Variants in GPHN observed in about 807,000 individuals in gnomAD.
GPHN encodes gephyrin.
In GPHN, 17 loss-of-function variants were observed where a neutral mutation model predicts 95.5. That is an observed-to-expected ratio of 0.18 (90% CI 0.12 to 0.27). The LOEUF (loss-of-function observed/expected upper bound fraction) is 0.27, where lower values mean the gene tolerates loss of function less well. GPHN is among the 10% of genes least tolerant of loss of function. GPHN has a pLI of 1.00. For missense variants in GPHN, 660 were observed against 978.1 expected (o/e 0.67, Z 4.34); for synonymous variants, 320 against 322.5 (o/e 0.99, Z 0.08).
At chr14:66,744,848 G>A (rs1395245013) in intron 2 of GPHN, among the ~76,000 whole-genome samples, 2 of 143,000 alleles carry the variant, frequency 1.4e-5, no homozygotes, top group African/African-American at 5.5e-5. Context: ...ATTCAATATA[G>A]CAATGCAATT....
chr14:67,224,620 T>G, the GPHN span: 7 of 294,640 alleles, frequency 2.4e-5, no homozygotes, highest in East Asian at 8.3e-4. Context: ...CTCCTTAACT[T>G]TTAAATTTTT....
rs567403640 is a variant in GPHN, at chr14:66,672,586, C to T, written c.65-8521C>T. ...TTTTGCCTCATGTATTTTAATGTTC[C>T]GTTGTTAGGTGTATATATGCTAAGG... On this transcript the variant is annotated intron_variant, in intron 1 of 22. Coordinates refer to ENST00000478722, the MANE Select transcript of GPHN (RefSeq NM_020806.5). Among the ~76,000 whole-genome samples the T allele has an allele frequency of 1.5e-3, 226 of 152,134 alleles. 2 individuals carry two copies. Among genetic ancestry groups the T allele is most frequent in the Middle Eastern group, 6.8e-3 (2 of 294 alleles).
chr14:67,284,971 G>A, the GPHN span, among the ~76,000 whole-genome samples: 1 of 151,426 alleles, frequency 6.6e-6, no homozygotes, highest in Non-Finnish European at 1.5e-5. Flanking sequence ...GGCTGGTCTT[G>A]ACCTCCTGGC....
the GPHN span, among the ~76,000 whole-genome samples, chr14:67,351,289 C>T: frequency 9.9e-5 from 15 of 151,982 alleles, no homozygotes; most frequent in Admixed American, 2.0e-4. Context: ...CTATACAGTA[C>T]AAAATGATAA....
chr14:66,625,441 GT>G, intron 1 of GPHN, among the ~76,000 whole-genome samples: 1 of 151,742 alleles, frequency 6.6e-6, no homozygotes, highest in East Asian at 1.9e-4. Flanking sequence ...CTTTTTTCTT[GT>G]TTTGTTTTTC....
At chr14:67,525,354 C>T in the GPHN span, among the ~76,000 whole-genome samples, 4 of 152,158 alleles carry the variant, frequency 2.6e-5, no homozygotes, top group Admixed American at 2.0e-4. Flanking sequence ...AAATATAATT[C>T]TTCATCATAC....
intron 2 of GPHN, among the ~76,000 whole-genome samples, chr14:66,726,108 A>G (rs940619795): frequency 2.6e-5 from 4 of 152,236 alleles, no homozygotes; most frequent in Admixed American, 2.0e-4. Flanking sequence ...ATTAGAATGC[A>G]TAAATTAACA....
chr14:67,107,432 G>A (rs1407950960), intron 13 of GPHN, among the ~76,000 whole-genome samples: 1 of 152,180 alleles, frequency 6.6e-6, no homozygotes, highest in African/African-American at 2.4e-5. Flanking sequence ...CAAGGTTTAT[G>A]ACTGAGGCAC....
chr14:67,606,340 G>A, the GPHN span, among the ~76,000 whole-genome samples: 156 of 152,278 alleles, frequency 1.0e-3, no homozygotes, highest in African/African-American at 3.7e-3. Context: ...GAACACACCT[G>A]GCTTTTATGT....
At chr14:67,338,845 GATA>G in the GPHN span, 1 of 1,272,690 alleles carries the variant, frequency 7.9e-7, no homozygotes, top group Non-Finnish European at 1.1e-6. Flanking sequence ...TTGTAACAAG[GATA>G]ATAAACACAT....
intron 1 of GPHN, among the ~76,000 whole-genome samples, chr14:66,598,057 TATTA>T (rs1266420499): frequency 6.6e-6 from 1 of 152,172 alleles, no homozygotes; most frequent in African/African-American, 2.4e-5. Context: ...TGATCTTACT[TATTA>T]TAAGTGTAGT....
intron 8 of GPHN, among the ~76,000 whole-genome samples, chr14:66,942,376 C>T (rs1016941737): frequency 9.9e-5 from 15 of 152,126 alleles, no homozygotes; most frequent in African/African-American, 2.4e-4. Flanking sequence ...GAGTCCTGTA[C>T]GTTTTTCCTT....
chr14:67,729,862 C>A, the GPHN span: 2 of 455,286 alleles, frequency 4.4e-6, no homozygotes, highest in Non-Finnish European at 8.8e-6. Flanking sequence ...TGAATCTTAT[C>A]ATGAACTCAA....
Position 67,149,655 on chromosome 14 carries a change from A to G in GPHN, c.1836+6206A>G, listed in dbSNP as rs1183753717. 2.6e-5 allele frequency among the ~76,000 whole-genome samples: 4 copies of G among 152,338 alleles called. No homozygotes were observed. The East Asian group carries it at 5.8e-4, about 22-fold the overall frequency. ...CATTATTGTTCCTTATATAATTGCA[A>G]CTACCCATATTAATTATGATGTTTA... On this transcript the variant is annotated intron_variant, in intron 18 of 22. Coordinates refer to ENST00000478722, the MANE Select transcript of GPHN (RefSeq NM_020806.5).
intron 17 of GPHN, among the ~76,000 whole-genome samples, chr14:67,141,640 A>G (rs2080465294): frequency 6.6e-6 from 1 of 152,180 alleles, no homozygotes; most frequent in South Asian, 2.1e-4. Context: ...TCTAGCAAGC[A>G]GTGGTGCTAG....
At chr14:66,777,436 C>A (rs2059424946) in intron 3 of GPHN, among the ~76,000 whole-genome samples, 1 of 152,184 alleles carries the variant, frequency 6.6e-6, no homozygotes, top group Non-Finnish European at 1.5e-5. Flanking sequence ...CTATCCCAAT[C>A]AATAGAAAGA....
chr14:66,517,917 CAA>C (rs1391233725), intron 1 of GPHN, among the ~76,000 whole-genome samples: 1 of 151,014 alleles, frequency 6.6e-6, no homozygotes, highest in Admixed American at 6.6e-5. Context: ...AAAGCACAGG[CAA>C]AAAAAGCAAA....
At chr14:67,208,154 C>G in the GPHN span, 1 of 1,605,500 alleles carries the variant, frequency 6.2e-7, no homozygotes. Flanking sequence ...CACCTATTAC[C>G]TGATGCTCTT....
At chr14:67,590,612 G>C in the GPHN span, among the ~76,000 whole-genome samples, 1 of 152,168 alleles carries the variant, frequency 6.6e-6, no homozygotes, top group Non-Finnish European at 1.5e-5. Flanking sequence ...GCCCACCTCG[G>C]CTTCCCAAAG....
Sources: gnomAD v4.1 joint callset for allele counts (sites outside exome capture counted in the v4.1 genomes callset) on GRCh38, gnomAD v4.1.1 for gene constraint, MANE v1.5 for transcripts, NCBI Gene and HGNC (gene_info 2026-07-23, HGNC 2026-07-21) for gene names.